Variants in LRCH1 observed in about 807,000 individuals in gnomAD.
LRCH1 encodes leucine-rich repeat and calponin homology domain-containing protein 1.
LRCH1 carries 23 observed loss-of-function variants against 94.9 expected under a neutral mutation model. That is an observed-to-expected ratio of 0.24 (90% CI 0.17 to 0.34). The LOEUF (loss-of-function observed/expected upper bound fraction) is 0.34, where lower values mean the gene tolerates loss of function less well. Ranked by LOEUF, LRCH1 falls within the 10% of genes least tolerant of loss-of-function variation. The pLI, the probability that LRCH1 is intolerant of heterozygous loss-of-function variation, is 1.00. For synonymous variants in LRCH1, 364 were observed against 354.9 expected (o/e 1.03, Z -0.29); for missense variants, 790 against 945.9 (o/e 0.84, Z 2.16).
At chr13:46,637,819 A>G (rs932784807) in intron 1 of LRCH1, among the ~76,000 whole-genome samples, 13 of 152,052 alleles carry the variant, frequency 8.5e-5, no homozygotes, top group Admixed American at 7.9e-4. Flanking sequence ...GGTGAGTTCT[A>G]GAGAGCGGGA....
chr13:46,648,098 C>A (rs1158903592), intron 1 of LRCH1, among the ~76,000 whole-genome samples: 1 of 152,104 alleles, frequency 6.6e-6, no homozygotes, highest in East Asian at 1.9e-4. Flanking sequence ...CAGCCCTGAC[C>A]TTGTTTTCCT....
In LRCH1 at chr13:46,714,929, A is replaced by C. The variant is rs181022342; in HGVS notation, c.1655-631A>C. Among the ~76,000 whole-genome samples, 25 of 152,276 alleles carry C rather than the reference A, an allele frequency of 1.6e-4. 1 individual carries two copies. The East Asian group carries it at 3.9e-3, about 23-fold the overall frequency. Reference sequence around the variant, plus strand: ...GTTTTTTAACTGAGCAATATTGAAAACAGTATTTAGAGGTATGTCCAGGAT... The same window carrying C: ...GTTTTTTAACTGAGCAATATTGAAACCAGTATTTAGAGGTATGTCCAGGAT... On this transcript the variant is annotated intron_variant, in intron 15 of 19. Transcript: ENST00000389797.
chr13:46,573,866 A>ATATTTTT, intron 1 of LRCH1, among the ~76,000 whole-genome samples: 1 of 63,390 alleles, frequency 1.6e-5, no homozygotes, highest in African/African-American at 5.2e-5. Flanking sequence ...ATATATATAT[A>ATATTTTT]TTTTTTTTTT....
In LRCH1 at chr13:46,705,411, T is replaced by C. The variant is rs186610253; in HGVS notation, c.1527+107T>C. On this transcript the variant is annotated intron_variant, in intron 13 of 19. Coordinates refer to ENST00000389797, the MANE Select transcript of LRCH1 (RefSeq NM_001164211.2). ...TCAGGGAGTGAAACATCTTTATTAA[T>C]GAGGCCAATATTCAGATTTGTTCAG... 4.1e-5 allele frequency: 40 copies of C among 979,820 alleles called. No individual in the cohort carries two copies. In the African/African-American group the frequency reaches 4.1e-4, roughly 10 times the overall value. The allele number at this position is 979,820 out of a possible 1,614,324, so 60.7% of individuals were successfully genotyped here. A position where few individuals can be genotyped will look rare whatever the true frequency, so the allele number is the denominator to read the frequency against.
At chr13:46,750,578 A>T in exon 19 of LRCH1, 1 of 1,551,970 alleles carries the variant, frequency 6.4e-7, no homozygotes, top group South Asian at 1.2e-5. Context: ...TTGAAGAAAA[A>T]GGCCTGGTCA....
At chr13:46,676,006 C>T (rs1266071934) in intron 3 of LRCH1, among the ~76,000 whole-genome samples, 14 of 152,276 alleles carry the variant, frequency 9.2e-5, no homozygotes, top group Middle Eastern at 3.4e-3. Flanking sequence ...TGGCCGGGTG[C>T]GGTGGCTCAT....
At chr13:46,564,655 G>A (rs998657) in intron 1 of LRCH1, among the ~76,000 whole-genome samples, 53,682 of 152,124 alleles carry the variant, frequency 0.35, 11,737 homozygotes, top group East Asian at 0.5. Context: ...TGAGGGAGGC[G>A]TGCAGGAACT....
chr13:46,694,290 T>C (rs968808114), intron 8 of LRCH1, among the ~76,000 whole-genome samples: 3 of 152,138 alleles, frequency 2.0e-5, no homozygotes, highest in Non-Finnish European at 4.4e-5. Flanking sequence ...TGCAGGGTGT[T>C]CCTTTTGCTC....
chr13:46,625,632 G>GTTTTTTTTTTTTTTTTTTTTTTTTTTTT, intron 1 of LRCH1, among the ~76,000 whole-genome samples: 1 of 127,202 alleles, frequency 7.9e-6, no homozygotes, highest in Non-Finnish European at 1.6e-5. Flanking sequence ...AATGTGTGGG[G>GTTTTTTTTTTTTTTTTTTTTTTTTTTTT]TTTTTTTTTT....
chr13:46,684,658 T>A (rs1426255690), intron 4 of LRCH1, among the ~76,000 whole-genome samples: 1 of 152,192 alleles, frequency 6.6e-6, no homozygotes, highest in Non-Finnish European at 1.5e-5. Flanking sequence ...ACAAACAAGC[T>A]GTGAGGTGAA....
intron 1 of LRCH1, among the ~76,000 whole-genome samples, chr13:46,554,403 T>G (rs749401903): frequency 5.3e-5 from 8 of 152,158 alleles, no homozygotes; most frequent in Non-Finnish European, 1.2e-4. Context: ...CTTCCTTCCG[T>G]GCCTTTTGCT....
At chr13:46,697,951 T>G (rs1871280634) in intron 9 of LRCH1, among the ~76,000 whole-genome samples, 1 of 152,244 alleles carries the variant, frequency 6.6e-6, no homozygotes, top group South Asian at 2.1e-4. Context: ...ACCCTTTGCT[T>G]CTATCATTGA....
downstream of LRCH1, among the ~76,000 whole-genome samples, chr13:46,749,614 T>C (rs1187465278): frequency 6.6e-6 from 1 of 152,150 alleles, no homozygotes; most frequent in Admixed American, 6.5e-5. Context: ...ACAATTTTTT[T>C]TTTCCTGTCA....
At chr13:46,674,446 T>C (rs2051644107) in intron 3 of LRCH1, among the ~76,000 whole-genome samples, 1 of 152,206 alleles carries the variant, frequency 6.6e-6, no homozygotes, top group South Asian at 2.1e-4. Context: ...TTCCACATTG[T>C]TGCAGGTGCA....
In LRCH1 at chr13:46,699,407, A is replaced by G; in HGVS notation, c.1313+4A>G. 3.7e-6 allele frequency: 6 copies of G among 1,613,306 alleles called. No homozygotes were observed. The highest frequency in any genetic ancestry group is 5.1e-6 in the Non-Finnish European group (6 of 1,179,228). ...TGCACTGGCAAACTGAGGGCATGTG[A>G]GTGCCGAGGCCTTGGTTACAAGCCA... On this transcript the variant is annotated splice_donor_region_variant and intron_variant, in intron 10 of 19. Transcript: ENST00000389797.
chr13:46,647,973 A>T, intron 1 of LRCH1, among the ~76,000 whole-genome samples: 1 of 151,930 alleles, frequency 6.6e-6, no homozygotes, highest in Non-Finnish European at 1.5e-5. Flanking sequence ...GGGGTGGGGG[A>T]TGGTTTCAGG....
chr13:46,751,209 C>CT lies in LRCH1; in HGVS notation c.*565dup, dbSNP rs1214053884. ...AAATTAGGAAACTATTTTATTACTG[C>CT]TTTTTTGTGGTTAAACACTTTATTT... is the stretch of plus-strand genomic sequence containing the variant. On this transcript the variant is annotated 3_prime_UTR_variant, in exon 19 of 19. Transcript: ENST00000311191. 17 of 151,982 alleles carry CT rather than the reference C, an allele frequency of 1.1e-4. 1 individual carries two copies. Among genetic ancestry groups the CT allele is most frequent in the South Asian group, 2.1e-4 (1 of 4,822 alleles). 9.4% of individuals were successfully genotyped at this position (151,982 alleles called of 1,614,324 possible).
At chr13:46,556,832 C>T (rs187201771) in intron 1 of LRCH1, among the ~76,000 whole-genome samples, 2 of 152,176 alleles carry the variant, frequency 1.3e-5, no homozygotes, top group Non-Finnish European at 2.9e-5. Context: ...AGCATTGATT[C>T]CACAAGAATG....
chr13:46,628,162 C>T (rs2050973654), intron 1 of LRCH1, among the ~76,000 whole-genome samples: 1 of 152,120 alleles, frequency 6.6e-6, no homozygotes, highest in Non-Finnish European at 1.5e-5. Flanking sequence ...ATACTACATT[C>T]CTACTATATA....
Sources: gnomAD v4.1 joint callset for allele counts (sites outside exome capture counted in the v4.1 genomes callset) on GRCh38, gnomAD v4.1.1 for gene constraint, MANE v1.5 for transcripts, NCBI Gene and HGNC (gene_info 2026-07-23, HGNC 2026-07-21) for gene names.